Variants in VAMP7 observed in about 807,000 individuals in gnomAD.
The protein encoded by VAMP7 is vesicle associated membrane protein 7.
Under a neutral mutation model 29.6 loss-of-function variants are expected in VAMP7, and 14 were observed. The observed-to-expected ratio is 0.47, with a 90% CI of 0.31 to 0.74. VAMP7 has a LOEUF of 0.74. Ranked by LOEUF, VAMP7 falls within the 30% of genes least tolerant of loss-of-function variation. The probability of loss-of-function intolerance (pLI) is 0.05; values close to 1 mark genes in which losing one functional copy is unlikely to be tolerated. For synonymous variants in VAMP7, 95 were observed against 88.1 expected, an observed-to-expected ratio of 1.08 and a Z score of -0.44; for missense variants, 223 against 262.4, an observed-to-expected ratio of 0.85 and a Z score of 1.04.
rs183022255 is a variant in VAMP7, at chrX:155,929,452, C to T, written c.501+9572C>T. ...AAATTGCCTTTAAACAGTTGCCCCC[C>T]CTGGGCATTGTGTGGGGGGTGTGAC... On this transcript the variant is annotated intron_variant, in intron 6 of 7. Transcript: ENST00000286448. Among the ~76,000 whole-genome samples the T allele has an allele frequency of 1.4e-3, 210 of 152,168 alleles. 1 individual carries two copies. The highest frequency in any genetic ancestry group is 4.8e-3 in the African/African-American group (201 of 41,534).
intron 6 of VAMP7, among the ~76,000 whole-genome samples, chrX:155,925,663 G>C (rs2066457302): frequency 6.6e-6 from 1 of 152,178 alleles, no homozygotes; most frequent in African/African-American, 2.4e-5. Flanking sequence ...CTCGAAGTGG[G>C]GAGGGGGCCT....
chrX:155,914,766 GTATTT>G (rs1382854053), intron 5 of VAMP7, among the ~76,000 whole-genome samples: 5 of 152,142 alleles, frequency 3.3e-5, no homozygotes, highest in Admixed American at 6.5e-5. Flanking sequence ...CGATTTGCCA[GTATTT>G]TATTGAGGAT....
chrX:155,903,719 A>T (rs1396492999), intron 5 of VAMP7, among the ~76,000 whole-genome samples: 1 of 152,184 alleles, frequency 6.6e-6, no homozygotes, highest in Admixed American at 6.5e-5. Flanking sequence ...GTTACTGGAG[A>T]GGATGTGGAG....
At chrX:155,893,740 A>G (rs914650388) in intron 2 of VAMP7, among the ~76,000 whole-genome samples, 14 of 152,172 alleles carry the variant, frequency 9.2e-5, no homozygotes, top group Non-Finnish European at 1.9e-4. Context: ...GACCTCATCT[A>G]ATCTTAAGTG....
intron 5 of VAMP7, among the ~76,000 whole-genome samples, chrX:155,908,940 C>T (rs1160768184): frequency 1.3e-5 from 2 of 152,116 alleles, no homozygotes; most frequent in African/African-American, 4.8e-5. Flanking sequence ...CCACCTCAGC[C>T]TCCCAAGCAG....
At chrX:155,910,298 A>G (rs2066217981) in intron 5 of VAMP7, among the ~76,000 whole-genome samples, 1 of 152,212 alleles carries the variant, frequency 6.6e-6, no homozygotes, top group Non-Finnish European at 1.5e-5. Flanking sequence ...ATTCTATTTC[A>G]TGGTCAAATA....
In VAMP7 at chrX:155,943,138, A is replaced by G. The variant is rs1201534290; in HGVS notation, c.*1187A>G. On this transcript the variant is annotated 3_prime_UTR_variant, in exon 8 of 8. Transcript: ENST00000286448. Reference sequence around the variant, plus strand: ...TCGCTACTGGCATCTGTTATCTAGTATGCATTTCTGGTGTGTATCTGAAAG... The same window carrying G: ...TCGCTACTGGCATCTGTTATCTAGTGTGCATTTCTGGTGTGTATCTGAAAG... 1 of 147,786 alleles carries G rather than the reference A, an allele frequency of 6.8e-6. No individual in the cohort carries two copies. The highest frequency in any genetic ancestry group is 2.5e-5 in the African/African-American group (1 of 39,602). 9.2% of individuals were successfully genotyped at this position (147,786 alleles called of 1,614,324 possible).
chrX:155,922,560 G>A (rs895619840), intron 6 of VAMP7, among the ~76,000 whole-genome samples: 8 of 151,972 alleles, frequency 5.3e-5, no homozygotes, highest in Non-Finnish European at 1.0e-4. Context: ...TTCCTGCAAG[G>A]TCATGACTTA....
intron 5 of VAMP7, among the ~76,000 whole-genome samples, chrX:155,915,251 C>CT (rs2066294463): frequency 6.6e-6 from 1 of 152,042 alleles, no homozygotes; most frequent in African/African-American, 2.4e-5. Context: ...ATTCTTCTCT[C>CT]TTTTCTCCTT....
rs181009813 is a variant in VAMP7, at chrX:155,928,957, C to A, written c.501+9077C>A. 2.4e-4 allele frequency among the ~76,000 whole-genome samples: 37 copies of A among 152,240 alleles called. 1 individual carries two copies. In the East Asian group the frequency reaches 5.2e-3, roughly 21 times the overall value. On this transcript the variant is annotated intron_variant, in intron 6 of 7. Transcript: ENST00000286448. ...CTTGAATTATTTATTGTGAATTAGTCTTTGTTTGTAGTATATCCTCACACA... is the reference window on the plus strand; with the variant it reads ...CTTGAATTATTTATTGTGAATTAGTATTTGTTTGTAGTATATCCTCACACA...
rs370784757 is a variant in VAMP7 at position 155,887,231 on chromosome X, A to AT, written c.-9-2217dup. ...TGCTTTGGGTTTTATCTTTGGCACT[A>AT]TTTTTTTTTTCTGTATGCAATATAT... On this transcript the variant is annotated intron_variant, in intron 1 of 7. Coordinates refer to ENST00000286448, the MANE Select transcript of VAMP7 (RefSeq NM_005638.6). Among the ~76,000 whole-genome samples the AT allele has an allele frequency of 2.0e-3, 296 of 147,708 alleles. 1 individual carries two copies. Among genetic ancestry groups the AT allele is most frequent in the African/African-American group, 2.9e-3 (117 of 40,412 alleles).
At chrX:155,933,906 T>A (rs759032423) in intron 6 of VAMP7, among the ~76,000 whole-genome samples, 2 of 152,342 alleles carry the variant, frequency 1.3e-5, no homozygotes, top group African/African-American at 4.8e-5. Context: ...TGTGTCTTTG[T>A]TCTCATTGGT....
chrX:155,934,282 C>G (rs886954315), intron 6 of VAMP7, among the ~76,000 whole-genome samples: 70 of 152,220 alleles, frequency 4.6e-4, no homozygotes, highest in African/African-American at 1.6e-3. Flanking sequence ...ATTGATCTGT[C>G]TAATGTTGAC....
intron 6 of VAMP7, among the ~76,000 whole-genome samples, chrX:155,927,318 T>C (rs1231011050): frequency 6.6e-6 from 1 of 150,986 alleles, no homozygotes; most frequent in Non-Finnish European, 1.5e-5. Flanking sequence ...TGTATACCTG[T>C]GTAAGAAACC....
intron 6 of VAMP7, among the ~76,000 whole-genome samples, chrX:155,922,618 A>G (rs1383417170): frequency 3.3e-5 from 5 of 152,018 alleles, no homozygotes; most frequent in African/African-American, 1.2e-4. Flanking sequence ...TGTTTTGTTC[A>G]GGAATTTGGC....
At chrX:155,936,882 C>T (rs2066666996) in intron 6 of VAMP7, among the ~76,000 whole-genome samples, 1 of 151,934 alleles carries the variant, frequency 6.6e-6, no homozygotes, top group South Asian at 2.1e-4. Context: ...AAAAAGAGTA[C>T]AATAGTTAGG....
chrX:155,885,653 A>C (rs1244392502), intron 1 of VAMP7, among the ~76,000 whole-genome samples: 4 of 152,186 alleles, frequency 2.6e-5, no homozygotes, highest in African/African-American at 9.7e-5. Context: ...ACTGGCATCC[A>C]TATAAAAGAA....
chrX:155,917,117 C>T (rs2066324534), intron 5 of VAMP7, among the ~76,000 whole-genome samples: 3 of 152,162 alleles, frequency 2.0e-5, no homozygotes, highest in African/African-American at 7.2e-5. Context: ...GATCTACAAT[C>T]TCTGATATCC....
At chrX:155,929,606 TTGA>T (rs1439889836) in intron 6 of VAMP7, among the ~76,000 whole-genome samples, 2 of 152,160 alleles carry the variant, frequency 1.3e-5, no homozygotes, top group African/African-American at 2.4e-5. Context: ...TCTGAAAGCA[TTGA>T]TGATCAGCAT....
Sources: allele counts gnomAD v4.1 joint callset (sites outside exome capture counted in the v4.1 genomes callset), GRCh38; gene constraint gnomAD v4.1.1; transcripts MANE v1.5; gene names NCBI Gene and HGNC (gene_info 2026-07-23, HGNC 2026-07-21).